ABCC3: variants seen among roughly 807,000 people sequenced by gnomAD.
ABCC3 encodes ATP-binding cassette sub-family C member 3.
ABCC3 carries 121 observed loss-of-function variants against 165.3 expected under a neutral mutation model. The ratio of observed to expected loss-of-function variants is 0.73; its 90% CI spans 0.63 to 0.85. The LOEUF is 0.85. Ranked by LOEUF, ABCC3 falls within the 40% of genes least tolerant of loss-of-function variation. The pLI is 0.00. For missense variants in ABCC3, 1,869 were observed against 1,964.1 expected (o/e 0.95, Z 0.92); for synonymous variants, 733 against 810.1 (o/e 0.90, Z 1.62).
chr17:50,682,198 G>A (rs1195960895), intron 26 of ABCC3, among the ~76,000 whole-genome samples: 1 of 151,932 alleles, frequency 6.6e-6, no homozygotes, highest in East Asian at 1.9e-4. Flanking sequence ...TGCCGTCAGT[G>A]CCTTGACATT....
rs11568581 is a variant in ABCC3 at position 50,661,130 on chromosome 17, G to A, written c.998+16G>A. 88,784 of 1,603,360 alleles carry A rather than the reference G, an allele frequency of 0.055. 2,988 individuals carry two copies. The highest frequency in any genetic ancestry group is 0.13 in the Middle Eastern group (753 of 5,992). On this transcript the variant is annotated intron_variant, in intron 8 of 30. Transcript: ENST00000285238. ...AGCTGCTCAGGTCTCTCCACACTCC[G>A]GCTCACTATAGCCCTGCCCTGGGCA...
chr17:50,659,342 G>A lies in ABCC3; in HGVS notation c.780G>A (p.Trp260Ter). 6.2e-7 allele frequency: 1 copy of A among 1,612,186 alleles called. No individual in the cohort carries two copies. The highest frequency in any genetic ancestry group is 8.5e-7 in the Non-Finnish European group (1 of 1,178,530). ...TGGTGCAGCAGCTGCTGGAGGCATGGAGGAAGCAGGAAAAGCAGACGGCAC... is the reference window on the plus strand; with the variant it reads ...TGGTGCAGCAGCTGCTGGAGGCATGAAGGAAGCAGGAAAAGCAGACGGCAC... Reference protein sequence around the residue: ...QMVVQQLLEAWRKQEKQTARH... With the variant: ...QMVVQQLLEA Residue 260 changes from tryptophan to a stop codon, truncating the protein, a stop_gained, in exon 7 of 31, where the codon TGG becomes TGA. Transcript: ENST00000285238. LOFTEE classifies it high-confidence loss of function.
chr17:50,665,900 T>C (rs1433874331), intron 11 of ABCC3, among the ~76,000 whole-genome samples: 1 of 151,686 alleles, frequency 6.6e-6, no homozygotes, highest in Non-Finnish European at 1.5e-5. Flanking sequence ...GTGTGAGCCA[T>C]CACACCTGGC....
intron 18 of ABCC3, 68 bp downstream of exon 18, chr17:50,673,206 G>A (rs956766923): frequency 4.4e-6 from 7 of 1,585,500 alleles, no homozygotes; most frequent in Non-Finnish European, 6.0e-6. Context: ...CTGGTGAGAG[G>A]CTGAGGGGTT....
At chr17:50,679,488 C>T in intron 25 of ABCC3, 1 of 196,904 alleles carries the variant, frequency 5.1e-6, no homozygotes, top group Non-Finnish European at 1.0e-5. Flanking sequence ...CCAAGTCCCA[C>T]CTCAGACTAC....
At chr17:50,656,673 G>A in intron 2 of ABCC3, 29 bp from the exon 3 acceptor site, 7 of 1,595,378 alleles carry the variant, frequency 4.4e-6, no homozygotes, top group Non-Finnish European at 6.0e-6. Flanking sequence ...CTCTGGGGAT[G>A]CGGATTCCAA....
chr17:50,661,099 A>T lies in ABCC3; in HGVS notation c.983A>T (p.Asn328Ile), dbSNP rs771517700. ...KLIQDLLSFI[N>I]PQLLSILIRF... Reference sequence around the variant, plus strand: ...ATCCAGGACCTGCTCTCCTTCATCAATCCACAGCTGCTCAGGTCTCTCCAC... The same window carrying T: ...ATCCAGGACCTGCTCTCCTTCATCATTCCACAGCTGCTCAGGTCTCTCCAC... Residue 328 changes from asparagine to isoleucine, a missense_variant, in exon 8 of 31, where the codon AAT becomes ATT. Coordinates refer to ENST00000285238, the MANE Select transcript of ABCC3 (RefSeq NM_003786.4). The T allele has an allele frequency of 4.3e-6, 7 of 1,613,066 alleles. No homozygotes were observed. Among genetic ancestry groups the T allele is most frequent in the South Asian group, 3.3e-5 (3 of 90,942 alleles).
chr17:50,692,027 G>A lies in ABCC3; in HGVS notation c.*827G>A, dbSNP rs930355670. 2 of 152,242 alleles carry A rather than the reference G, an allele frequency of 1.3e-5. No homozygotes were observed. The highest frequency in any genetic ancestry group is 6.5e-5 in the Admixed American group (1 of 15,280). 9.4% of individuals were successfully genotyped at this position (152,242 alleles called of 1,614,324 possible). ...TGCCTGTTTCTCTAGGGACTGAGAA[G>A]TGCATGATGCTTTTACTTCCTTGCT... is the stretch of plus-strand genomic sequence containing the variant. On this transcript the variant is annotated 3_prime_UTR_variant, in exon 31 of 31. Coordinates refer to ENST00000285238, the MANE Select transcript of ABCC3 (RefSeq NM_003786.4).
rs1388719342 is a variant in ABCC3, at chr17:50,658,106, T to C, written c.511T>C (p.Phe171Leu). ...GGGTGAGATCTCAGACCCCTTCCGC[T>C]TCACCACCTTCTACATCCACTTTGC... ...AEGEISDPFR[F>L]TTFYIHFALV... The change falls in exon 5 of 31, where the codon TTC becomes CTC. Residue 171 changes from phenylalanine to leucine, a missense_variant. Coordinates refer to ENST00000285238, the MANE Select transcript of ABCC3 (RefSeq NM_003786.4). 6.2e-7 allele frequency: 1 copy of C among 1,614,176 alleles called. No individual in the cohort carries two copies.
intron 9 of ABCC3, 27 bp from the exon 10 acceptor site, chr17:50,663,923 A>C: frequency 6.2e-7 from 1 of 1,614,230 alleles, no homozygotes; most frequent in East Asian, 2.2e-5. Flanking sequence ...CTCGCAGCCA[A>C]GTCCACCCAC....
intron 1 of ABCC3, among the ~76,000 whole-genome samples, chr17:50,644,306 G>A (rs1268505223): frequency 1.7e-4 from 5 of 29,670 alleles, no homozygotes; most frequent in Non-Finnish European, 2.7e-4. Context: ...GCCAGACTCC[G>A]TCTCAAAAAA....
At position 50,663,699 on chromosome 17, in the gene ABCC3, C is replaced by T. The variant is rs11568604; in HGVS notation, c.1017C>T (p.Ile339=). The T allele has an allele frequency of 1.4e-4, 225 of 1,614,196 alleles. 2 individuals are homozygous for T. The East Asian group carries it at 2.5e-3, about 18-fold the overall frequency. Residue 339 remains isoleucine, a synonymous_variant, in exon 9 of 31, where the codon ATC becomes ATT. Transcript: ENST00000285238. Reference sequence around the variant, plus strand: ...CCCACAGCATCCTGATCAGGTTTATCTCCAACCCCATGGCCCCCTCCTGGT... The same window carrying T: ...CCCACAGCATCCTGATCAGGTTTATTTCCAACCCCATGGCCCCCTCCTGGT... ...PQLLSILIRF[I]SNPMAPSWWG...
intron 26 of ABCC3, among the ~76,000 whole-genome samples, chr17:50,680,536 C>T (rs988160923): frequency 6.6e-6 from 1 of 152,162 alleles, no homozygotes; most frequent in African/African-American, 2.4e-5. Flanking sequence ...TCCAAGTCCC[C>T]CACTGTCACA....
Position 50,659,325 on chromosome 17 carries a change from C to A in ABCC3, c.763C>A (p.Gln255Lys). 2 of 1,613,170 alleles carry A rather than the reference C, an allele frequency of 1.2e-6. No individual in the cohort carries two copies. The highest frequency in any genetic ancestry group is 1.7e-6 in the Non-Finnish European group (2 of 1,179,288). Reference sequence around the variant, plus strand: ...GGACAGATCCCAGATGGTGGTGCAGCAGCTGCTGGAGGCATGGAGGAAGCA... The same window carrying A: ...GGACAGATCCCAGATGGTGGTGCAGAAGCTGCTGGAGGCATGGAGGAAGCA... ...EEDRSQMVVQ[Q>K]LLEAWRKQEK... The change falls in exon 7 of 31, where the codon CAG becomes AAG. Residue 255 changes from glutamine to lysine, a missense_variant. Gln to Lys is a moderately conservative substitution (Grantham distance 53). Coordinates refer to ENST00000285238, the MANE Select transcript of ABCC3 (RefSeq NM_003786.4).
intron 4 of ABCC3, among the ~76,000 whole-genome samples, chr17:50,657,820 G>A (rs988316688): frequency 2.0e-5 from 3 of 152,212 alleles, no homozygotes; most frequent in African/African-American, 7.2e-5. Context: ...CTGCCTGTAG[G>A]CTGATGTCCC....
Position 50,676,345 on chromosome 17 carries a change from C to G in ABCC3, c.3135C>G (p.His1045Gln). 1 of 1,614,132 alleles carries G rather than the reference C, an allele frequency of 6.2e-7. No individual in the cohort carries two copies. The highest frequency in any genetic ancestry group is 1.1e-5 in the South Asian group (1 of 91,082). Residue 1045 changes from histidine to glutamine, a missense_variant, in exon 23 of 31, where the codon CAC (histidine) becomes CAG (glutamine). Coordinates refer to ENST00000285238, the MANE Select transcript of ABCC3 (RefSeq NM_003786.4). ...AGGIQAARVL[H>Q]QALLHNKIRS... ...GCATCCAGGCTGCCCGTGTGTTGCA[C>G]CAGGCACTGCTGCACAACAAGATAC...
chr17:50,675,964 CA>C lies in ABCC3; in HGVS notation c.2944del (p.Ser982ValfsTer29). The C allele has an allele frequency of 6.2e-7, 1 of 1,614,174 alleles. No homozygotes were observed. Among genetic ancestry groups the C allele is most frequent in the Non-Finnish European group, 8.5e-7 (1 of 1,180,044 alleles). Reference protein sequence around the residue: ...TLAICLLYVGQSAAAIGANVW... With the variant: ...TLAICLLYVGXSAAAIGANVW... ...GGCCATCTGTCTCCTGTATGTGGGT[CA>C]AAGTGCGGCTGCCATTGGAGCCAAT... On this transcript the variant is annotated frameshift_variant, in exon 22 of 31. Transcript: ENST00000285238. LOFTEE classifies it high-confidence loss of function.
At chr17:50,658,333 T>C in intron 5 of ABCC3, 102 bp from the exon 6 acceptor site, 1 of 1,584,332 alleles carries the variant, frequency 6.3e-7, no homozygotes, top group East Asian at 2.2e-5. Context: ...ATCTGTAAAC[T>C]GGGGCTTGGA....
chr17:50,672,847 GGGT>G, intron 17 of ABCC3, 121 bp from the exon 18 acceptor site: 1 of 818,812 alleles, frequency 1.2e-6, no homozygotes, highest in South Asian at 1.8e-5. Flanking sequence ...ACTCCAGCCT[GGGT>G]GAGTGAGACC....
Sources: gnomAD v4.1 joint callset for allele counts (sites outside exome capture counted in the v4.1 genomes callset) on GRCh38, gnomAD v4.1.1 for gene constraint, MANE v1.5 for transcripts, NCBI Gene and HGNC (gene_info 2026-07-23, HGNC 2026-07-21) for gene names.